The following TMEM237 variants were observed in gnomAD, a reference collection of about 807,000 sequenced individuals.
The protein encoded by TMEM237 is amyotrophic lateral sclerosis 2 (juvenile) chromosome region, candidate 4.
A neutral mutation model predicts 59.1 loss-of-function variants in TMEM237; 51 were observed. The ratio of observed to expected loss-of-function variants is 0.86; its 90% confidence interval spans 0.69 to 1.09. TMEM237 has a LOEUF of 1.09. TMEM237 is among the 50% of genes least tolerant of loss of function. TMEM237 has a pLI of 0.00. For missense variants in TMEM237, 475 were observed against 478.3 expected (o/e 0.99, Z 0.06); for synonymous variants, 140 against 166.1 (o/e 0.84, Z 1.21).
intron 1 of TMEM237, chr2:201,642,660 C>A (rs1317978523): frequency 1.2e-6 from 2 of 1,607,876 alleles, no homozygotes; most frequent in African/African-American, 1.3e-5. Flanking sequence ...GCCGCCGGCC[C>A]CCAAGCACCT....
Position 201,624,233 on chromosome 2 carries a change from T to G in TMEM237, c.*22A>C, listed in dbSNP as rs767072197. On this transcript the variant is annotated 3_prime_UTR_variant, in exon 13 of 13. Transcript: ENST00000409883. Reference sequence around the variant, plus strand: ...AAATGGGACAAATACTGGGTCATTATTCCTCCAAAGGTGAGCTGGTATTAT... The same window carrying G: ...AAATGGGACAAATACTGGGTCATTAGTCCTCCAAAGGTGAGCTGGTATTAT... 1 of 1,597,448 alleles carries G rather than the reference T, an allele frequency of 6.3e-7. No individual in the cohort carries two copies. Among genetic ancestry groups the G allele is most frequent in the Admixed American group, 1.7e-5 (1 of 59,470 alleles).
At chr2:201,634,176 T>A (rs191966074) in intron 5 of TMEM237, among the ~76,000 whole-genome samples, 1 of 152,208 alleles carries the variant, frequency 6.6e-6, no homozygotes, top group East Asian at 1.9e-4. Flanking sequence ...TTTCCAAGGA[T>A]AGCAGTCTCA....
intron 2 of TMEM237, 52 bp from the exon 3 acceptor site, chr2:201,640,317 A>G: frequency 2.0e-6 from 3 of 1,509,466 alleles, no homozygotes; most frequent in South Asian, 1.3e-5. Flanking sequence ...CAAAGACAAA[A>G]AAGAAACAAT....
At chr2:201,627,142 T>TA (rs1957766873) in intron 11 of TMEM237, among the ~76,000 whole-genome samples, 179 bp downstream of exon 11, 1 of 152,086 alleles carries the variant, frequency 6.6e-6, no homozygotes, top group African/African-American at 2.4e-5. Flanking sequence ...GATATTTCAT[T>TA]AAAAATGCAG....
chr2:201,637,017 C>T (rs1332292860), intron 4 of TMEM237, 132 bp from the exon 5 acceptor site: 1 of 870,264 alleles, frequency 1.1e-6, no homozygotes, highest in African/African-American at 1.7e-5. Context: ...TAATTATCCC[C>T]CAAATCTTTC....
rs189392993 is a variant in TMEM237 at position 201,636,996 on chromosome 2, T to C, written c.137-111A>G. 2.5e-4 allele frequency: 279 copies of C among 1,124,882 alleles called. 2 individuals are homozygous for C. Among genetic ancestry groups the C allele is most frequent in the South Asian group, 1.1e-4 (6 of 56,322 alleles). 69.7% of individuals were successfully genotyped at this position (1,124,882 alleles called of 1,614,324 possible). On this transcript the variant is annotated intron_variant, in intron 4 of 12. Transcript: ENST00000409883. ...ATGTTTCCTATAGAATAACCCCATC[T>C]CTTTCAGAACTAATTATCCCCCAAA...
In TMEM237 at chr2:201,641,072, G is replaced by A. The variant is rs964026780; in HGVS notation, c.43-148C>T. 2.1e-5 allele frequency: 12 copies of A among 572,320 alleles called. 1 individual carries two copies. In the South Asian group the frequency reaches 4.5e-4, roughly 22 times the overall value. 35.5% of individuals were successfully genotyped at this position (572,320 alleles called of 1,614,324 possible). On this transcript the variant is annotated intron_variant, in intron 1 of 12. Transcript: ENST00000409883. ...AACGGCACGATCTTGGCTCACTGCA[G>A]CTTCCATCTCCTGGGTTCAAGCAAT...
chr2:201,639,140 C>T, intron 3 of TMEM237, 95 bp from the exon 4 acceptor site: 2 of 1,142,428 alleles, frequency 1.8e-6, no homozygotes, highest in Non-Finnish European at 2.5e-6. Flanking sequence ...AAGAATTCTC[C>T]CTCTCTTCCC....
In TMEM237 at chr2:201,643,040, G is replaced by C; in HGVS notation, c.42+319C>G. On this transcript the variant is annotated intron_variant, in intron 1 of 12. Transcript: ENST00000409883. This position sits in a 1 kb window ranked among gnomAD's most constrained non-coding sequence, Gnocchi z 4.3. ...CCTCTCCTCGGAGGAGTCTAGGAGA[G>C]GCCTGGCTGGAAGCCCCGGCACCCG... 7.8e-7 allele frequency: 1 copy of C among 1,277,372 alleles called. No homozygotes were observed. Among genetic ancestry groups the C allele is most frequent in the Non-Finnish European group, 1.0e-6 (1 of 999,010 alleles). The allele number at this position is 1,277,372 out of a possible 1,614,324, so 79.1% of individuals were successfully genotyped here.
At position 201,643,423 on chromosome 2, in the gene TMEM237, C is replaced by T. The variant is rs1231031430; in HGVS notation, c.-23G>A. ...CATGGTGCTCTCCCCGCGGGGCTGC[C>T]CCGGCGCAACCGCCGGCGGCCCGAG... On this transcript the variant is annotated 5_prime_UTR_variant, in exon 1 of 13. Transcript: ENST00000409883. This position sits in a 1 kb window ranked among gnomAD's most constrained non-coding sequence, Gnocchi z 4.3. 6.7e-7 allele frequency: 1 copy of T among 1,487,806 alleles called. No individual in the cohort carries two copies. Among genetic ancestry groups the T allele is most frequent in the Non-Finnish European group, 8.9e-7 (1 of 1,117,338 alleles). 92.2% of individuals were successfully genotyped at this position (1,487,806 alleles called of 1,614,324 possible).
chr2:201,626,112 C>T lies in TMEM237; in HGVS notation c.1073G>A (p.Trp358Ter). ...AGCCACCACGAGATTCACCACAATCCATGGCTGGAGAATCTGTTCCTCAAT... is the reference window on the plus strand; with the variant it reads ...AGCCACCACGAGATTCACCACAATCTATGGCTGGAGAATCTGTTCCTCAAT... ...AGIEEQILQP[W>*]IVVNLVVALL... The change falls in exon 12 of 13, where the codon TGG (tryptophan) becomes TAG (stop). Residue 358 changes from tryptophan (W) to a stop codon, truncating the protein, a stop_gained. Transcript: ENST00000409883. LOFTEE classifies it high-confidence loss of function. 2 of 1,610,738 alleles carry T rather than the reference C, an allele frequency of 1.2e-6. No homozygotes were observed. The highest frequency in any genetic ancestry group is 2.7e-5 in the African/African-American group (2 of 74,936).
rs1345856514 is a variant in TMEM237, at chr2:201,628,072, TC to T, written c.943+3del. On this transcript the variant is annotated splice_donor_region_variant and intron_variant, in intron 10 of 12. Coordinates refer to ENST00000409883, the MANE Select transcript of TMEM237 (RefSeq NM_001044385.3). Reference sequence around the variant, plus strand: ...ACAGTTATCATGTTAAACTGCTTACTCACAGAAAGATGCTAAAGCTGTAGGA... The same window carrying T: ...ACAGTTATCATGTTAAACTGCTTACTACAGAAAGATGCTAAAGCTGTAGGA... 1 of 1,604,256 alleles carries T rather than the reference TC, an allele frequency of 6.2e-7. No homozygotes were observed. Among genetic ancestry groups the T allele is most frequent in the Non-Finnish European group, 8.5e-7 (1 of 1,174,674 alleles).
chr2:201,627,210 TTTGGAA>T, intron 11 of TMEM237, 105 bp downstream of exon 11: 1 of 714,632 alleles, frequency 1.4e-6, no homozygotes, highest in Non-Finnish European at 2.3e-6. Flanking sequence ...TTGCCATATA[TTTGGAA>T]ACAAAAACAG....
intron 5 of TMEM237, chr2:201,634,860 A>G: frequency 2.2e-6 from 1 of 447,936 alleles, no homozygotes; most frequent in Non-Finnish European, 4.6e-6. Flanking sequence ...TTCTACTCCT[A>G]TAATTCTTCC....
chr2:201,630,648 G>C (rs1397240983), intron 7 of TMEM237, among the ~76,000 whole-genome samples: 4 of 152,160 alleles, frequency 2.6e-5, no homozygotes, highest in Non-Finnish European at 4.4e-5. Flanking sequence ...TACTCTAGCA[G>C]GGAAATTTCT....
intron 4 of TMEM237, among the ~76,000 whole-genome samples, chr2:201,637,714 C>T (rs1293887024): frequency 2.1e-5 from 3 of 145,328 alleles, no homozygotes; most frequent in African/African-American, 7.8e-5. Context: ...CATTGCACTC[C>T]AGCCTGGGCA....
At chr2:201,633,048 C>T (rs1687208712) in intron 6 of TMEM237, among the ~76,000 whole-genome samples, 1 of 151,632 alleles carries the variant, frequency 6.6e-6, no homozygotes, top group Admixed American at 6.6e-5. Flanking sequence ...CTTATATATT[C>T]TATTTGTGTT....
Position 201,643,274 on chromosome 2 carries a change from G to GGCCCCCCCCCCCCACCCC in TMEM237, c.42+84_42+85insGGGGTGGGGGGGGGGGGC. The GGCCCCCCCCCCCCACCCC allele has an allele frequency of 2.5e-6, 3 of 1,206,752 alleles. No homozygotes were observed. The highest frequency in any genetic ancestry group is 1.4e-5 in the South Asian group (1 of 74,072). 74.8% of individuals were successfully genotyped at this position (1,206,752 alleles called of 1,614,324 possible). ...CCTTAGTGATTCCCAGCTCGTTGGCGCCCCCCCACACACACCCACCCCCAC... is the reference window on the plus strand; with the variant it reads ...CCTTAGTGATTCCCAGCTCGTTGGCGGCCCCCCCCCCCCACCCCCCCCCCCACACACACCCACCCCCAC... On this transcript the variant is annotated intron_variant, in intron 1 of 12. Transcript: ENST00000409883. This position sits in a 1 kb window ranked among gnomAD's most constrained non-coding sequence, Gnocchi z 4.3.
At chr2:201,624,484 G>A (rs1173535040) in intron 12 of TMEM237, among the ~76,000 whole-genome samples, 162 bp from the exon 13 acceptor site, 2 of 152,016 alleles carry the variant, frequency 1.3e-5, no homozygotes, top group African/African-American at 4.8e-5. Flanking sequence ...GATTTAAAAG[G>A]TAAGCTGATA....
Sources: gnomAD v4.1 joint callset for allele counts (sites outside exome capture counted in the v4.1 genomes callset) on GRCh38, gnomAD v4.1.1 for gene constraint, Gnocchi (gnomAD v3.1) non-coding constraint, MANE v1.5 for transcripts, NCBI Gene and HGNC (gene_info 2026-07-23, HGNC 2026-07-21) for gene names.